CCSER1: variants seen among roughly 807,000 people sequenced by gnomAD.
CCSER1 encodes the protein serine-rich coiled-coil domain-containing protein 1.
In CCSER1, 41 loss-of-function variants were observed where a neutral mutation model predicts 82.0. That is an observed-to-expected ratio of 0.50 (90% confidence interval 0.39 to 0.65). The LOEUF is 0.65. CCSER1 is among the 30% of genes least tolerant of loss of function. The pLI is 0.00. For synonymous variants in CCSER1, 414 were observed against 383.9 expected (o/e 1.08, Z -0.92); for missense variants, 1,119 against 1,064.2 (o/e 1.05, Z -0.72).
chr4:91,286,681 G>A (rs1581906263), intron 10 of CCSER1, among the ~76,000 whole-genome samples: 1 of 99,166 alleles, frequency 1.0e-5, no homozygotes. Flanking sequence ...TTTGGTTATT[G>A]TTTTCCATTT....
At chr4:90,357,850 A>G (rs1395789402) in intron 3 of CCSER1, among the ~76,000 whole-genome samples, 3 of 151,980 alleles carry the variant, frequency 2.0e-5, no homozygotes, top group Non-Finnish European at 4.4e-5. Flanking sequence ...GTAAAAGGGC[A>G]TTTCCTGCTT....
At chr4:91,467,157 G>C (rs1415264880) in intron 10 of CCSER1, among the ~76,000 whole-genome samples, 2 of 152,006 alleles carry the variant, frequency 1.3e-5, no homozygotes, top group African/African-American at 4.8e-5. Flanking sequence ...CCAAAACAGA[G>C]ATATAGACCA....
chr4:91,401,371 T>C (rs1227719348), intron 10 of CCSER1, among the ~76,000 whole-genome samples: 1 of 148,324 alleles, frequency 6.7e-6, no homozygotes, highest in Non-Finnish European at 1.5e-5. Context: ...ATATATTATA[T>C]ATAATATAAC....
At chr4:91,129,354 C>T (rs548210694) in intron 10 of CCSER1, among the ~76,000 whole-genome samples, 1 of 152,056 alleles carries the variant, frequency 6.6e-6, no homozygotes, top group South Asian at 2.1e-4. Flanking sequence ...CATGAGGCTA[C>T]CACCTGATAC....
intron 1 of CCSER1, among the ~76,000 whole-genome samples, chr4:90,158,646 T>A (rs1728813896): frequency 6.6e-6 from 1 of 152,196 alleles, no homozygotes; most frequent in Admixed American, 6.5e-5. Flanking sequence ...GTGCTAGCAA[T>A]CAGTGAGACT....
rs1404283661 is a variant in CCSER1 at position 91,006,650 on chromosome 4, C to T, written c.2173-79300C>T. Reference sequence around the variant, plus strand: ...GACTACAGGTGCCCACCACCATGTCCGGCTAATTTTTTTTGTATTTTTAGT... The same window carrying T: ...GACTACAGGTGCCCACCACCATGTCTGGCTAATTTTTTTTGTATTTTTAGT... On this transcript the variant is annotated intron_variant, in intron 9 of 10. Transcript: ENST00000509176. Among the ~76,000 whole-genome samples the T allele has an allele frequency of 5.3e-5, 8 of 152,008 alleles. No homozygotes were observed. In the East Asian group the frequency reaches 7.8e-4, roughly 15 times the overall value.
intron 10 of CCSER1, among the ~76,000 whole-genome samples, chr4:91,206,225 G>A (rs906094850): frequency 3.3e-5 from 5 of 151,856 alleles, no homozygotes; most frequent in African/African-American, 4.8e-5. Flanking sequence ...GTATATTTTT[G>A]TGTTTGCTCC....
At chr4:90,917,417 A>G (rs1263140615) in intron 8 of CCSER1, among the ~76,000 whole-genome samples, 1 of 152,126 alleles carries the variant, frequency 6.6e-6, no homozygotes, top group Non-Finnish European at 1.5e-5. Context: ...TGCAAGGACA[A>G]AAAAACAAAC....
Position 90,699,101 on chromosome 4 carries a change from A to G in CCSER1, c.1933-24813A>G, listed in dbSNP as rs183448852. Among the ~76,000 whole-genome samples, 129 of 152,222 alleles carry G rather than the reference A, an allele frequency of 8.5e-4. 1 individual carries two copies. The highest frequency in any genetic ancestry group is 1.4e-3 in the Non-Finnish European group (94 of 68,014). ...GGGCGAAAGACTGAGACCCTATCTC[A>G]AAACAACAACAATAACAACATCCAA... On this transcript the variant is annotated intron_variant, in intron 6 of 10. Coordinates refer to ENST00000509176, the MANE Select transcript of CCSER1 (RefSeq NM_001145065.2).
At chr4:91,412,828 G>T (rs997367677) in intron 10 of CCSER1, among the ~76,000 whole-genome samples, 2 of 152,044 alleles carry the variant, frequency 1.3e-5, no homozygotes, top group Non-Finnish European at 2.9e-5. Context: ...TTGGAAACAT[G>T]ATACCACCAA....
chr4:90,653,319 G>T (rs553377383), intron 6 of CCSER1, among the ~76,000 whole-genome samples: 3 of 152,028 alleles, frequency 2.0e-5, no homozygotes, highest in Admixed American at 2.0e-4. Context: ...GAAACACTGC[G>T]CAGTGGTATC....
At chr4:90,572,723 A>G (rs1453936724) in intron 5 of CCSER1, among the ~76,000 whole-genome samples, 1 of 151,894 alleles carries the variant, frequency 6.6e-6, no homozygotes, top group African/African-American at 2.4e-5. Flanking sequence ...TTCCGTTCAC[A>G]TGTTTTTCTT....
At chr4:90,918,760 TACAC>T (rs70963097) in intron 8 of CCSER1, among the ~76,000 whole-genome samples, 69,703 of 149,896 alleles carry the variant, frequency 0.47, 17,757 homozygotes, top group African/African-American at 0.7. Flanking sequence ...GTGTGTAAAA[TACAC>T]ACACACACAC....
chr4:90,382,297 T>C (rs1016378548), intron 3 of CCSER1, among the ~76,000 whole-genome samples: 9 of 152,112 alleles, frequency 5.9e-5, no homozygotes, highest in African/African-American at 1.4e-4. Context: ...GACATGTATA[T>C]ATTTATGAAT....
intron 10 of CCSER1, among the ~76,000 whole-genome samples, chr4:91,338,582 A>AT (rs1192013681): frequency 2.0e-5 from 3 of 152,204 alleles, no homozygotes; most frequent in Non-Finnish European, 2.9e-5. Flanking sequence ...GAAAGCACAG[A>AT]TTTTTAAATC....
At chr4:90,321,210 C>T (rs1324347756) in intron 3 of CCSER1, among the ~76,000 whole-genome samples, 2 of 152,122 alleles carry the variant, frequency 1.3e-5, no homozygotes, top group African/African-American at 4.8e-5. Flanking sequence ...CCCCCCAACC[C>T]TCCAACTCTT....
chr4:90,535,411 C>A (rs1775190131), intron 5 of CCSER1, among the ~76,000 whole-genome samples: 1 of 151,722 alleles, frequency 6.6e-6, no homozygotes, highest in African/African-American at 2.4e-5. Flanking sequence ...ATAGTGGAAC[C>A]CCATTAATAC....
intron 1 of CCSER1, among the ~76,000 whole-genome samples, chr4:90,306,503 C>T (rs968723450): frequency 6.6e-6 from 1 of 152,114 alleles, no homozygotes; most frequent in African/African-American, 2.4e-5. Flanking sequence ...AAATTAAATT[C>T]ATTGACTGTA....
intron 10 of CCSER1, among the ~76,000 whole-genome samples, chr4:91,225,341 GTAATATATATGTATATATA>G: frequency 8.2e-6 from 1 of 121,808 alleles, no homozygotes; most frequent in East Asian, 2.5e-4. Flanking sequence ...TATTATATAT[GTAATATATATGTATATATA>G]TTATATATGT....
Sources: allele counts gnomAD v4.1 joint callset (sites outside exome capture counted in the v4.1 genomes callset), GRCh38; gene constraint gnomAD v4.1.1; transcripts MANE v1.5; gene names NCBI Gene and HGNC (gene_info 2026-07-23, HGNC 2026-07-21).